The following YIPF7 variants were observed in gnomAD, a reference collection of about 807,000 sequenced individuals.
YIPF7 encodes the protein protein YIPF7.
In YIPF7, 35 loss-of-function variants were observed where a neutral mutation model predicts 27.2. The ratio of observed to expected loss-of-function variants is 1.29; its 90% CI spans 0.98 to 1.70. YIPF7 has a LOEUF of 1.70. YIPF7 is among the 40% of genes most tolerant of loss of function. The pLI is 0.00. For missense variants in YIPF7, 358 were observed against 303.7 expected, an observed-to-expected ratio of 1.18 and a Z score of -1.33; for synonymous variants, 137 against 110.4, an observed-to-expected ratio of 1.24 and a Z score of -1.51.
upstream of YIPF7, among the ~76,000 whole-genome samples, chr4:44,655,820 T>C (rs2109605330): frequency 6.6e-6 from 1 of 151,892 alleles, no homozygotes; most frequent in East Asian, 1.9e-4. Context: ...GCTTCTATTT[T>C]ATAAGCCTGA....
intron 3 of YIPF7, among the ~76,000 whole-genome samples, chr4:44,632,575 G>T (rs1213200805): frequency 6.6e-6 from 1 of 152,112 alleles, no homozygotes; most frequent in Admixed American, 6.5e-5. Context: ...AAATATTTAA[G>T]AAATAAAGTA....
intron 2 of YIPF7, among the ~76,000 whole-genome samples, chr4:44,659,582 A>G (rs899741267): frequency 3.3e-5 from 5 of 152,248 alleles, no homozygotes; most frequent in Non-Finnish European, 1.5e-5. Flanking sequence ...TTAAACTAAA[A>G]TAAGACATAA....
At chr4:44,661,006 T>C (rs1174449761) in intron 1 of YIPF7, among the ~76,000 whole-genome samples, 1 of 152,118 alleles carries the variant, frequency 6.6e-6, no homozygotes, top group African/African-American at 2.4e-5. Flanking sequence ...TATAAGAACA[T>C]ATAAGGAGAC....
rs530451554 is a variant in YIPF7, at chr4:44,623,291, G to A, written c.609-715C>T. ...GTCGAGAGTGAATTTCCTTTCTTAT[G>A]TGCTAAATAGAATGCATTATTTAGA... is the stretch of plus-strand genomic sequence containing the variant. On this transcript the variant is annotated intron_variant, in intron 5 of 5. Coordinates refer to ENST00000415895, the MANE Select transcript of YIPF7 (RefSeq NM_182592.3). Among the ~76,000 whole-genome samples the A allele has an allele frequency of 1.1e-4, 17 of 152,312 alleles. No homozygotes were observed. In the East Asian group the frequency reaches 3.3e-3, roughly 29 times the overall value.
At chr4:44,630,374 A>G (rs143938667) in intron 3 of YIPF7, among the ~76,000 whole-genome samples, 311 of 152,292 alleles carry the variant, frequency 2.0e-3, no homozygotes, top group Non-Finnish European at 2.7e-3. Flanking sequence ...ACTTAGTCCA[A>G]GTCTGGGTTT....
chr4:44,651,357 A>G (rs952779549), intron 1 of YIPF7, among the ~76,000 whole-genome samples, 197 bp downstream of exon 1: 2 of 152,234 alleles, frequency 1.3e-5, no homozygotes, highest in African/African-American at 4.8e-5. Context: ...TAAAGAAATT[A>G]CAATGTAATA....
At chr4:44,642,495 C>A (rs1713364480) in intron 2 of YIPF7, among the ~76,000 whole-genome samples, 1 of 152,046 alleles carries the variant, frequency 6.6e-6, no homozygotes, top group African/African-American at 2.4e-5. Context: ...AAAGCATAAC[C>A]AATACCAAAA....
At chr4:44,643,910 G>T (rs1321324926) in intron 2 of YIPF7, among the ~76,000 whole-genome samples, 5 of 152,104 alleles carry the variant, frequency 3.3e-5, no homozygotes, top group Non-Finnish European at 5.9e-5. Context: ...GAAGCCTGCT[G>T]CAGGGGTGGA....
intron 2 of YIPF7, among the ~76,000 whole-genome samples, chr4:44,659,679 T>C (rs987978430): frequency 6.6e-6 from 1 of 152,174 alleles, no homozygotes; most frequent in Non-Finnish European, 1.5e-5. Context: ...ATATAAAGTT[T>C]ATTTTAGTAT....
At chr4:44,655,153 T>C (rs1196381936), upstream of YIPF7, among the ~76,000 whole-genome samples, 2 of 152,028 alleles carry the variant, frequency 1.3e-5, no homozygotes, top group Non-Finnish European at 2.9e-5. Flanking sequence ...TGCATACATA[T>C]TTGTGTTAAG....
intron 2 of YIPF7, among the ~76,000 whole-genome samples, chr4:44,641,116 C>G (rs1302889831): frequency 6.6e-6 from 1 of 152,116 alleles, no homozygotes; most frequent in Non-Finnish European, 1.5e-5. Flanking sequence ...CGTATAGACT[C>G]TCACTCACCC....
intron 2 of YIPF7, among the ~76,000 whole-genome samples, chr4:44,642,843 C>T (rs1038116842): frequency 6.6e-5 from 10 of 152,170 alleles, no homozygotes; most frequent in African/African-American, 9.7e-5. Flanking sequence ...GAGCAGCTGT[C>T]GCCATGCTTC....
At position 44,650,021 on chromosome 4, in the gene YIPF7, T is replaced by A; in HGVS notation, c.80A>T (p.Asp27Val). 1 of 1,586,794 alleles carries A rather than the reference T, an allele frequency of 6.3e-7. No homozygotes were observed. The highest frequency in any genetic ancestry group is 8.6e-7 in the Non-Finnish European group (1 of 1,164,752). ...TIDNQEQSGN[D>V]SNAYGNLYGS... The stretch of plus-strand genomic sequence containing the variant: ...ATAAAGATTTCCATAGGCATTAGAG[T>A]CATTACCACTCTGCTCCTGGTTATC... Residue 27 changes from aspartate (D) to valine (V), a missense_variant, in exon 2 of 6, where the codon GAC (aspartate) becomes GTC (valine). Transcript: ENST00000415895.
intron 3 of YIPF7, among the ~76,000 whole-genome samples, chr4:44,633,382 A>G (rs1422448597): frequency 6.6e-6 from 1 of 152,254 alleles, no homozygotes. Context: ...GAGACATTTC[A>G]GATAGTAGAA....
chr4:44,651,713 A>C, upstream of YIPF7: 1 of 974,310 alleles, frequency 1.0e-6, no homozygotes, highest in Non-Finnish European at 1.5e-6. Flanking sequence ...AAAAATAAAA[A>C]AGCCTGCCAA....
At chr4:44,652,330 A>C, upstream of YIPF7, among the ~76,000 whole-genome samples, 1 of 152,116 alleles carries the variant, frequency 6.6e-6, no homozygotes, top group Non-Finnish European at 1.5e-5. Flanking sequence ...TAATACTATC[A>C]ATTCTATCTA....
At chr4:44,646,120 G>A (rs1713516222) in intron 2 of YIPF7, among the ~76,000 whole-genome samples, 4 of 152,152 alleles carry the variant, frequency 2.6e-5, no homozygotes, top group Admixed American at 2.6e-4. Flanking sequence ...AGAACTTTTT[G>A]GTGTTTATTA....
intron 2 of YIPF7, among the ~76,000 whole-genome samples, chr4:44,658,482 C>G (rs1276183464): frequency 1.3e-5 from 2 of 152,260 alleles, no homozygotes; most frequent in Non-Finnish European, 2.9e-5. Flanking sequence ...TCTACGCATC[C>G]TGGGAACTAT....
chr4:44,650,279 T>C (rs1204131694), intron 1 of YIPF7, among the ~76,000 whole-genome samples, 178 bp from the exon 2 acceptor site: 1 of 152,132 alleles, frequency 6.6e-6, no homozygotes, highest in Non-Finnish European at 1.5e-5. Flanking sequence ...TGCTAGAAAG[T>C]TATTTACAGA....
Sources: gnomAD v4.1 joint callset for allele counts (sites outside exome capture counted in the v4.1 genomes callset) on GRCh38, gnomAD v4.1.1 for gene constraint, MANE v1.5 for transcripts, NCBI Gene and HGNC (gene_info 2026-07-23, HGNC 2026-07-21) for gene names.